Variants in CRCP observed in about 807,000 individuals in gnomAD.
CRCP encodes DNA-directed RNA polymerase III subunit RPC9.
CRCP carries 18 observed loss-of-function variants against 18.5 expected under a neutral mutation model. The observed-to-expected ratio is 0.97, with a 90% CI of 0.67 to 1.44. The LOEUF (loss-of-function observed/expected upper bound fraction) is 1.44. Ranked by LOEUF, CRCP falls within the 40% of genes most tolerant of loss-of-function variation. CRCP has a pLI of 0.00. For synonymous variants in CRCP, 53 were observed against 62.9 expected (o/e 0.84, Z 0.75); for missense variants, 130 against 176.4 (o/e 0.74, Z 1.49).
chr7:66,120,445 G>A (rs1051067700), intron 1 of CRCP: 1 of 152,028 alleles, frequency 6.6e-6, no homozygotes, highest in African/African-American at 2.4e-5. Context: ...CAAGAATTTT[G>A]CAGCCAGTAA....
In CRCP at chr7:66,152,536, A is replaced by T; in HGVS notation, c.*179A>T. Reference sequence around the variant, plus strand: ...AATATTTGTGCCTTGGGGAGAAGAAACATGGTGAAAACAGGCTGAGGTTGT... The same window carrying T: ...AATATTTGTGCCTTGGGGAGAAGAATCATGGTGAAAACAGGCTGAGGTTGT... On this transcript the variant is annotated 3_prime_UTR_variant, in exon 6 of 6. Coordinates refer to ENST00000395326, the MANE Select transcript of CRCP (RefSeq NM_014478.5). 1 of 671,616 alleles carries T rather than the reference A, an allele frequency of 1.5e-6. No homozygotes were observed. The highest frequency in any genetic ancestry group is 1.9e-5 in the South Asian group (1 of 51,792). 41.6% of individuals were successfully genotyped at this position (671,616 alleles called of 1,614,324 possible). A position where few individuals can be genotyped will look rare whatever the true frequency, so the allele number is the denominator to read the frequency against.
At chr7:66,134,545 C>T (rs78291102) in intron 4 of CRCP, 171 bp downstream of exon 4, 55 of 291,110 alleles carry the variant, frequency 1.9e-4, no homozygotes, top group South Asian at 5.7e-4. Flanking sequence ...AGGAACAAAT[C>T]TTTTTTTTTT....
At chr7:66,130,094 A>ATTTTTTTT in intron 2 of CRCP, 1 of 103,880 alleles carries the variant, frequency 9.6e-6, no homozygotes, top group Admixed American at 1.6e-4. Context: ...GAGAAGCAGG[A>ATTTTTTTT]TTCTTTTTTT....
chr7:66,131,572 A>G (rs1197152705), intron 3 of CRCP, among the ~76,000 whole-genome samples: 1 of 152,008 alleles, frequency 6.6e-6, no homozygotes, highest in Non-Finnish European at 1.5e-5. Flanking sequence ...CAGCGTCCCA[A>G]AGTGCTGGGA....
intron 4 of CRCP, among the ~76,000 whole-genome samples, chr7:66,137,133 C>A (rs1787995154): frequency 1.3e-5 from 2 of 151,686 alleles, no homozygotes; most frequent in South Asian, 2.1e-4. Flanking sequence ...TAAAAAAAAA[C>A]AACCCGCCAA....
Position 66,152,449 on chromosome 7 carries a change from C to A in CRCP, c.*92C>A. The A allele has an allele frequency of 1.4e-6, 2 of 1,425,970 alleles. No individual in the cohort carries two copies. Among genetic ancestry groups the A allele is most frequent in the Non-Finnish European group, 1.9e-6 (2 of 1,043,618 alleles). The allele number at this position is 1,425,970 out of a possible 1,614,324, so 88.3% of individuals were successfully genotyped here. Reference sequence around the variant, plus strand: ...GAGGATTGTTTATTTGATTTTTATCCTCATCCCAGCAGGCCTGGCTTTGTG... The same window carrying A: ...GAGGATTGTTTATTTGATTTTTATCATCATCCCAGCAGGCCTGGCTTTGTG... On this transcript the variant is annotated 3_prime_UTR_variant, in exon 6 of 6. Coordinates refer to ENST00000395326, the MANE Select transcript of CRCP (RefSeq NM_014478.5).
At chr7:66,139,649 G>A (rs866234013) in intron 4 of CRCP, among the ~76,000 whole-genome samples, 6 of 152,144 alleles carry the variant, frequency 3.9e-5, no homozygotes, top group Non-Finnish European at 8.8e-5. Context: ...CTTGCCTTCC[G>A]GGGCAAGGAT....
chr7:66,134,450 T>G lies in CRCP; in HGVS notation c.239+76T>G. ...TTGCTACATTCGTAGCAACCGTGTA[T>G]TGATATTCGGCTGGGTTTGGATTTA... is the stretch of plus-strand genomic sequence containing the variant. On this transcript the variant is annotated intron_variant, in intron 4 of 5. Transcript: ENST00000395326. 10 of 1,078,470 alleles carry G rather than the reference T, an allele frequency of 9.3e-6. No homozygotes were observed. In the South Asian group the frequency reaches 1.2e-4, roughly 13 times the overall value. 66.8% of individuals were successfully genotyped at this position (1,078,470 alleles called of 1,614,324 possible). A position where few individuals can be genotyped will look rare whatever the true frequency, so the allele number is the denominator to read the frequency against.
At chr7:66,147,710 G>A (rs1205644296) in intron 5 of CRCP, among the ~76,000 whole-genome samples, 2 of 152,202 alleles carry the variant, frequency 1.3e-5, no homozygotes, top group Non-Finnish European at 2.9e-5. Context: ...ACAAAAGGTA[G>A]CAAATTGTTT....
chr7:66,126,611 C>G (rs1334757450), intron 1 of CRCP: 1 of 427,448 alleles, frequency 2.3e-6, no homozygotes, highest in South Asian at 1.7e-5. Flanking sequence ...GGGATAATAT[C>G]TTTTACAAAT....
rs1787955747 is a variant in CRCP at position 66,135,829 on chromosome 7, G to A, written c.239+1455G>A. Among the ~76,000 whole-genome samples, 3 of 152,170 alleles carry A rather than the reference G, an allele frequency of 2.0e-5. No homozygotes were observed. In the South Asian group the frequency reaches 6.2e-4, roughly 32 times the overall value. ...CCAACTACTAGGGAGGCTGAGGCAG[G>A]AGAATCGCTTGAACCTGGGAGACGG... On this transcript the variant is annotated intron_variant, in intron 4 of 5. Transcript: ENST00000395326.
At chr7:66,140,388 T>C (rs375600228) in intron 4 of CRCP, among the ~76,000 whole-genome samples, 4,573 of 150,190 alleles carry the variant, frequency 0.03, 96 homozygotes, top group Non-Finnish European at 0.047. Context: ...ATTTCTTCTT[T>C]TCTTTTCTTT....
rs188351622 is a variant in CRCP, at chr7:66,126,239, A to G, written c.9-1465A>G. ...GTCTATCTCTTTGTGAACCACTGTT[A>G]GTTTTGCTTTATTTATTGACTCGGA... On this transcript the variant is annotated intron_variant, in intron 1 of 5. Transcript: ENST00000395326. Among the ~76,000 whole-genome samples the G allele has an allele frequency of 7.4e-5, 11 of 149,174 alleles. 1 individual carries two copies. The highest frequency in any genetic ancestry group is 1.3e-4 in the Non-Finnish European group (9 of 66,704).
chr7:66,151,673 C>CTGTG (rs1223890806), intron 5 of CRCP, among the ~76,000 whole-genome samples: 3,262 of 138,408 alleles, frequency 0.024, 92 homozygotes, highest in East Asian at 0.12. Context: ...CCACTTCTCT[C>CTGTG]TGTGTGTGTG....
chr7:66,128,148 A>C (rs1787673023), intron 2 of CRCP, among the ~76,000 whole-genome samples: 1 of 151,888 alleles, frequency 6.6e-6, no homozygotes, highest in South Asian at 2.1e-4. Context: ...AAAGAAAAAG[A>C]AAAAAGAAAT....
rs1291135176 is a variant in CRCP at position 66,130,948 on chromosome 7, G to C, written c.144+106G>C. 3 of 706,174 alleles carry C rather than the reference G, an allele frequency of 4.2e-6. No individual in the cohort carries two copies. The African/African-American group carries it at 5.3e-5, about 13-fold the overall frequency. The allele number at this position is 706,174 out of a possible 1,614,324, so 43.7% of individuals were successfully genotyped here. A position where few individuals can be genotyped will look rare whatever the true frequency, so the allele number is the denominator to read the frequency against. ...ATTAAGATTGCTTTTTATATGATCT[G>C]AATGTTTTATTCTAACCTGATTTTT... On this transcript the variant is annotated intron_variant, in intron 3 of 5. Coordinates refer to ENST00000395326, the MANE Select transcript of CRCP (RefSeq NM_014478.5).
chr7:66,126,586 CA>C (rs1787623904), intron 1 of CRCP: 1 of 412,032 alleles, frequency 2.4e-6, no homozygotes, highest in African/African-American at 2.0e-5. Context: ...ACAGGGTTTT[CA>C]GTGAGAATTA....
intron 3 of CRCP, among the ~76,000 whole-genome samples, chr7:66,133,022 C>T (rs564314691): frequency 2.0e-5 from 3 of 152,080 alleles, no homozygotes; most frequent in South Asian, 4.2e-4. Context: ...GGAGGGATAT[C>T]GAAGAATTTG....
intron 4 of CRCP, among the ~76,000 whole-genome samples, chr7:66,136,237 G>GT (rs1189522338): frequency 2.5e-4 from 38 of 149,434 alleles, no homozygotes; most frequent in Non-Finnish European, 4.2e-4. Context: ...TTATTGGTTT[G>GT]TTTTTTTTTG....
Sources: gnomAD v4.1 joint callset for allele counts (sites outside exome capture counted in the v4.1 genomes callset) on GRCh38, gnomAD v4.1.1 for gene constraint, MANE v1.5 for transcripts, NCBI Gene and HGNC (gene_info 2026-07-23, HGNC 2026-07-21) for gene names.